DCTN4: variants seen among roughly 807,000 people sequenced by gnomAD.
DCTN4 encodes dynactin 4 (p62).
Under a neutral mutation model 62.7 loss-of-function variants are expected in DCTN4, and 23 were observed. The observed-to-expected ratio is 0.37, with a 90% CI of 0.26 to 0.52. The LOEUF (loss-of-function observed/expected upper bound fraction) is 0.52, where lower values mean the gene tolerates loss of function less well. DCTN4 is among the 20% of genes least tolerant of loss of function. DCTN4 has a pLI of 0.92. For synonymous variants in DCTN4, 199 were observed against 202.1 expected, an observed-to-expected ratio of 0.98 and a Z score of 0.13; for missense variants, 514 against 580.4, an observed-to-expected ratio of 0.89 and a Z score of 1.18.
At chr5:150,723,362 T>C (rs1760023258) in intron 8 of DCTN4, among the ~76,000 whole-genome samples, 1 of 152,180 alleles carries the variant, frequency 6.6e-6, no homozygotes, top group Admixed American at 6.5e-5. Flanking sequence ...ATCAAAATGG[T>C]ATACAGGAAG....
At chr5:150,732,007 GA>G (rs1162113407) in intron 5 of DCTN4, 16 of 1,003,076 alleles carry the variant, frequency 1.6e-5, no homozygotes, top group Non-Finnish European at 2.5e-5. Context: ...GGGAAAATTG[GA>G]AGAATAATTC....
intron 7 of DCTN4, 62 bp from the exon 8 acceptor site, chr5:150,730,802 T>A: frequency 7.5e-7 from 1 of 1,335,696 alleles, no homozygotes; most frequent in Non-Finnish European, 1.1e-6. Context: ...GACTTTTATG[T>A]ACCAGTAATT....
rs190354614 is a variant in DCTN4, at chr5:150,715,676, C to G, written c.1072-14G>C. 3 of 1,610,452 alleles carry G rather than the reference C, an allele frequency of 1.9e-6. No individual in the cohort carries two copies. Among genetic ancestry groups the G allele is most frequent in the Admixed American group, 3.3e-5 (2 of 59,968 alleles). Reference sequence around the variant, plus strand: ...AGGCACCACCACCTGGAGAGCAACACAGAGAGGCCTGCCTGAGAAGGGACC... The same window carrying G: ...AGGCACCACCACCTGGAGAGCAACAGAGAGAGGCCTGCCTGAGAAGGGACC... On this transcript the variant is annotated splice_polypyrimidine_tract_variant and intron_variant, in intron 11 of 12. Transcript: ENST00000447998.
chr5:150,752,535 T>C (rs913953143), intron 3 of DCTN4, among the ~76,000 whole-genome samples: 42 of 152,336 alleles, frequency 2.8e-4, no homozygotes, highest in African/African-American at 1.0e-3. Context: ...GTTTTAAAAT[T>C]GGTCTCCAAG....
chr5:150,748,150 A>G (rs1252963300), intron 3 of DCTN4, among the ~76,000 whole-genome samples: 5 of 152,222 alleles, frequency 3.3e-5, no homozygotes, highest in Non-Finnish European at 7.3e-5. Flanking sequence ...ACTTCTCAAA[A>G]GAAGACATTT....
intron 8 of DCTN4, among the ~76,000 whole-genome samples, chr5:150,725,904 GTATT>G (rs1365907987): frequency 6.6e-6 from 1 of 152,100 alleles, no homozygotes; most frequent in Non-Finnish European, 1.5e-5. Context: ...AAACAAACCT[GTATT>G]TATTTATTTT....
intron 9 of DCTN4, among the ~76,000 whole-genome samples, chr5:150,720,249 G>C (rs1344632537): frequency 1.3e-5 from 2 of 152,040 alleles, no homozygotes; most frequent in Non-Finnish European, 2.9e-5. Context: ...ATTAAAAGTG[G>C]GGGAAAAAGT....
intron 3 of DCTN4, among the ~76,000 whole-genome samples, chr5:150,745,488 A>AT (rs1760927359): frequency 6.6e-6 from 1 of 152,074 alleles, no homozygotes; most frequent in African/African-American, 2.4e-5. Flanking sequence ...CAGAATATAC[A>AT]TTTTTTTCAG....
chr5:150,725,106 C>T (rs1434120061), intron 8 of DCTN4, among the ~76,000 whole-genome samples: 1 of 143,928 alleles, frequency 6.9e-6, no homozygotes, highest in Admixed American at 7.3e-5. Context: ...TGCAGTGAGC[C>T]GAGATCACGC....
chr5:150,731,307 C>A, intron 6 of DCTN4, 109 bp downstream of exon 6: 1 of 1,098,586 alleles, frequency 9.1e-7, no homozygotes, highest in Non-Finnish European at 1.3e-6. Context: ...GTATGAGAAT[C>A]TTCTTTTCCA....
At chr5:150,741,107 G>A (rs1464630625) in intron 4 of DCTN4, among the ~76,000 whole-genome samples, 1 of 146,028 alleles carries the variant, frequency 6.8e-6, no homozygotes, top group East Asian at 2.0e-4. Context: ...TGAGGCTGCA[G>A]TGAGCTGTGA....
chr5:150,726,508 C>T (rs1402193741), intron 8 of DCTN4, among the ~76,000 whole-genome samples: 4 of 152,150 alleles, frequency 2.6e-5, no homozygotes, highest in African/African-American at 4.8e-5. Context: ...CAATCCTCCC[C>T]GCCATTATCC....
At chr5:150,718,904 A>G (rs923830962) in intron 10 of DCTN4, among the ~76,000 whole-genome samples, 2 of 151,948 alleles carry the variant, frequency 1.3e-5, no homozygotes, top group African/African-American at 4.8e-5. Flanking sequence ...CTGCAGCCTC[A>G]ACCTCCTGGG....
chr5:150,709,033 C>G lies in DCTN4; in HGVS notation c.*2116G>C, dbSNP rs1025815486. ...TCTAACTTTCCTGTGGTGGTGCATA[C>G]TGACTAGCATTAAAATTTTTGCACC... On this transcript the variant is annotated 3_prime_UTR_variant, in exon 13 of 13. Transcript: ENST00000447998. 2 of 152,748 alleles carry G rather than the reference C, an allele frequency of 1.3e-5. No homozygotes were observed. Among genetic ancestry groups the G allele is most frequent in the Non-Finnish European group, 2.9e-5 (2 of 68,032 alleles). 9.5% of individuals were successfully genotyped at this position (152,748 alleles called of 1,614,324 possible). A position where few individuals can be genotyped will look rare whatever the true frequency, so the allele number is the denominator to read the frequency against.
Position 150,719,763 on chromosome 5 carries a change from T to C in DCTN4, c.916A>G (p.Ile306Val). The C allele has an allele frequency of 1.2e-6, 2 of 1,607,004 alleles. No homozygotes were observed. The highest frequency in any genetic ancestry group is 1.7e-6 in the Non-Finnish European group (2 of 1,174,526). ...ATTGACATGATTCTCACTTCTGGAA[T>C]ATAATTGCTGTGCATAAATAAAAAA... ...FKIQLVAVNY[I>V]PEVRIMSIPN... Residue 306 changes from isoleucine to valine, a missense_variant, in exon 10 of 13, where the codon ATT (isoleucine) becomes GTT (valine). Ile to Val is a conservative substitution (Grantham distance 29). Transcript: ENST00000447998.
intron 3 of DCTN4, among the ~76,000 whole-genome samples, chr5:150,749,989 G>A (rs531002882): frequency 6.6e-6 from 1 of 152,264 alleles, no homozygotes; most frequent in Admixed American, 6.5e-5. Context: ...AGACTGTAAT[G>A]TAAGACTCCA....
At chr5:150,740,876 C>T (rs1348099403) in intron 4 of DCTN4, among the ~76,000 whole-genome samples, 6 of 152,100 alleles carry the variant, frequency 3.9e-5, no homozygotes, top group Non-Finnish European at 7.4e-5. Flanking sequence ...AAGAATGATA[C>T]AATGGACTTT....
intron 8 of DCTN4, among the ~76,000 whole-genome samples, chr5:150,729,232 TCTTTC>T (rs1249265412): frequency 6.6e-6 from 1 of 151,560 alleles, no homozygotes; most frequent in East Asian, 1.9e-4. Flanking sequence ...CCCTTCTTTT[TCTTTC>T]TTTTTATAAA....
At chr5:150,742,563 T>A (rs966642663) in intron 3 of DCTN4, among the ~76,000 whole-genome samples, 1 of 152,222 alleles carries the variant, frequency 6.6e-6, no homozygotes, top group Non-Finnish European at 1.5e-5. Flanking sequence ...TTTGCTCTTA[T>A]CTGTAACACT....
Sources: allele counts gnomAD v4.1 joint callset (sites outside exome capture counted in the v4.1 genomes callset), GRCh38; gene constraint gnomAD v4.1.1; transcripts MANE v1.5; gene names NCBI Gene and HGNC (gene_info 2026-07-23, HGNC 2026-07-21).